Variants in DPYD observed in about 807,000 individuals in gnomAD.
The protein encoded by DPYD is dihydropyrimidine dehydrogenase [NADP(+)].
Under a neutral mutation model 116.2 loss-of-function variants are expected in DPYD, and 109 were observed. The ratio of observed to expected loss-of-function variants is 0.94; its 90% confidence interval spans 0.80 to 1.10. The LOEUF is 1.10. Ranked by LOEUF, DPYD falls within the 50% of genes least tolerant of loss-of-function variation. DPYD has a pLI of 0.00. For synonymous variants in DPYD, 440 were observed against 432.0 expected (o/e 1.02, Z -0.23); for missense variants, 1,302 against 1,254.5 (o/e 1.04, Z -0.57).
intron 18 of DPYD, among the ~76,000 whole-genome samples, chr1:97,237,065 C>T (rs770748360): frequency 4.6e-5 from 7 of 151,724 alleles, no homozygotes; most frequent in Non-Finnish European, 7.4e-5. Flanking sequence ...CATGGTAAAA[C>T]CCCGTGTCTA....
intron 3 of DPYD, among the ~76,000 whole-genome samples, chr1:97,814,319 G>A (rs993829891): frequency 1.3e-5 from 2 of 152,172 alleles, no homozygotes; most frequent in East Asian, 3.9e-4. Context: ...TGCAAGACAA[G>A]TTAGGAGTAA....
intron 12 of DPYD, among the ~76,000 whole-genome samples, chr1:97,522,288 C>T (rs1190050223): frequency 2.0e-5 from 3 of 152,132 alleles, no homozygotes; most frequent in Admixed American, 2.0e-4. Flanking sequence ...ATTTATGTGG[C>T]TATTCCACAG....
chr1:97,654,935 G>C (rs756950040), intron 8 of DPYD, among the ~76,000 whole-genome samples: 1 of 152,068 alleles, frequency 6.6e-6, no homozygotes, highest in Admixed American at 6.5e-5. Context: ...AGAACAAAGA[G>C]AAAAGGGTTT....
intron 16 of DPYD, among the ~76,000 whole-genome samples, chr1:97,352,778 A>G (rs1271824088): frequency 2.0e-5 from 3 of 152,190 alleles, no homozygotes; most frequent in African/African-American, 7.2e-5. Flanking sequence ...TGAATAGTAC[A>G]TACAGTAAAG....
At chr1:97,173,372 ATG>A (rs543385604) in intron 20 of DPYD, among the ~76,000 whole-genome samples, 23 of 150,402 alleles carry the variant, frequency 1.5e-4, no homozygotes, top group South Asian at 2.2e-4. Flanking sequence ...ATATACATAT[ATG>A]TGTGTATATA....
chr1:97,502,738 G>A (rs2101935481), intron 13 of DPYD, among the ~76,000 whole-genome samples: 1 of 152,004 alleles, frequency 6.6e-6, no homozygotes, highest in East Asian at 1.9e-4. Context: ...TTTAATAACT[G>A]ATCACATAAC....
chr1:97,248,412 C>T (rs1256621509), intron 18 of DPYD, among the ~76,000 whole-genome samples: 1 of 152,170 alleles, frequency 6.6e-6, no homozygotes, highest in African/African-American at 2.4e-5. Context: ...ATTGCTCCTC[C>T]TTGCCTTCCA....
chr1:97,241,164 T>A (rs531105514), intron 18 of DPYD, among the ~76,000 whole-genome samples: 5 of 152,200 alleles, frequency 3.3e-5, no homozygotes, highest in African/African-American at 9.6e-5. Context: ...GCATTCAATA[T>A]GTTCCTAGTG....
intron 6 of DPYD, among the ~76,000 whole-genome samples, chr1:97,692,581 C>T (rs1259731991): frequency 1.3e-5 from 2 of 152,202 alleles, no homozygotes; most frequent in African/African-American, 4.8e-5. Flanking sequence ...TTTGCTGAAT[C>T]ATTCATTCAC....
intron 13 of DPYD, among the ~76,000 whole-genome samples, chr1:97,494,860 G>A (rs1557751955): frequency 6.6e-6 from 1 of 152,156 alleles, no homozygotes; most frequent in East Asian, 1.9e-4. Flanking sequence ...AGGATGAATT[G>A]TATTCTCAAA....
intron 20 of DPYD, among the ~76,000 whole-genome samples, chr1:97,110,012 ATCTCAAATCTAGGTC>A (rs1442056427): frequency 3.9e-5 from 6 of 152,088 alleles, no homozygotes; most frequent in Non-Finnish European, 8.8e-5. Context: ...ATCAGAATTC[ATCTCAAATCTAGGTC>A]TCCCAACTCC....
At position 97,459,097 on chromosome 1, in the gene DPYD, A is replaced by G. The variant is rs528831155; in HGVS notation, c.1741-8874T>C. ...ATGCTTAAAAATACGAGAGACTTGA[A>G]TGTATAAATAATGAGAAACTCAAAG... On this transcript the variant is annotated intron_variant, in intron 13 of 22. Coordinates refer to ENST00000370192, the MANE Select transcript of DPYD (RefSeq NM_000110.4). Among the ~76,000 whole-genome samples the G allele has an allele frequency of 2.0e-5, 3 of 152,276 alleles. No individual in the cohort carries two copies. In the South Asian group the frequency reaches 6.2e-4, roughly 32 times the overall value.
At chr1:97,560,399 C>A (rs889019315) in intron 11 of DPYD, among the ~76,000 whole-genome samples, 12 of 151,948 alleles carry the variant, frequency 7.9e-5, no homozygotes, top group African/African-American at 2.9e-4. Context: ...GTGACACTTG[C>A]AGTTAAATAG....
chr1:97,194,990 A>G (rs1658647186), intron 19 of DPYD, among the ~76,000 whole-genome samples: 1 of 152,170 alleles, frequency 6.6e-6, no homozygotes, highest in Admixed American at 6.5e-5. Context: ...AAGAATGTGG[A>G]TTTAGATACT....
chr1:97,142,813 T>C (rs1205219471), intron 20 of DPYD, among the ~76,000 whole-genome samples: 1 of 152,118 alleles, frequency 6.6e-6, no homozygotes, highest in African/African-American at 2.4e-5. Context: ...AATTTGGTTC[T>C]TCTAAGATTT....
At chr1:97,405,796 C>T (rs563088311) in intron 14 of DPYD, among the ~76,000 whole-genome samples, 6 of 152,234 alleles carry the variant, frequency 3.9e-5, no homozygotes, top group South Asian at 2.1e-4. Context: ...GGATTACAGG[C>T]GTGAGCCACT....
At chr1:97,354,093 C>T (rs1188117566) in intron 16 of DPYD, among the ~76,000 whole-genome samples, 2 of 152,128 alleles carry the variant, frequency 1.3e-5, no homozygotes, top group South Asian at 4.2e-4. Flanking sequence ...AATGAATTAG[C>T]CCTTGGGTGA....
intron 20 of DPYD, among the ~76,000 whole-genome samples, chr1:97,175,007 T>C (rs914959): frequency 0.72 from 109,880 of 152,080 alleles, 41,366 homozygotes; most frequent in East Asian, 0.99. Flanking sequence ...CTTTTCCTTA[T>C]ATGTTTGTGA....
At chr1:97,299,075 T>A (rs1666710657) in intron 18 of DPYD, among the ~76,000 whole-genome samples, 1 of 152,242 alleles carries the variant, frequency 6.6e-6, no homozygotes, top group African/African-American at 2.4e-5. Context: ...TGTGACATGG[T>A]GAACTGTTTC....
Sources: allele counts gnomAD v4.1 joint callset (sites outside exome capture counted in the v4.1 genomes callset), GRCh38; gene constraint gnomAD v4.1.1; transcripts MANE v1.5; gene names NCBI Gene and HGNC (gene_info 2026-07-23, HGNC 2026-07-21).